The following TCFL5 variants were observed in gnomAD, a reference collection of about 807,000 sequenced individuals.
The protein encoded by TCFL5 is transcription factor-like 5 protein.
Under a neutral mutation model 44.3 loss-of-function variants are expected in TCFL5, and 9 were observed. That is an observed-to-expected ratio of 0.20 (90% CI 0.12 to 0.35). The LOEUF (loss-of-function observed/expected upper bound fraction) is 0.35, where lower values mean the gene tolerates loss of function less well. Among genes scored for constraint, TCFL5 ranks in the 10% least tolerant of loss-of-function variants. The pLI is 1.00. For synonymous variants in TCFL5, 319 were observed against 271.6 expected, an observed-to-expected ratio of 1.17 and a Z score of -1.72; for missense variants, 603 against 613.4, an observed-to-expected ratio of 0.98 and a Z score of 0.18.
chr20:62,859,726 T>TG (rs1339245608), intron 2 of TCFL5, among the ~76,000 whole-genome samples, 200 bp from the exon 3 acceptor site: 125 of 149,812 alleles, frequency 8.3e-4, no homozygotes, highest in African/African-American at 3.0e-3. Context: ...TTTGTTTTTT[T>TG]GTTTTTTTTT....
At chr20:62,844,885 G>A (rs1341558451) in intron 5 of TCFL5, 33 of 984,818 alleles carry the variant, frequency 3.4e-5, no homozygotes, top group Non-Finnish European at 4.0e-5. Flanking sequence ...CGGGAGCCAC[G>A]GTTCCCAGTC....
At chr20:62,845,736 C>G in intron 5 of TCFL5, 1 of 1,606,530 alleles carries the variant, frequency 6.2e-7, no homozygotes, top group Non-Finnish European at 8.5e-7. Context: ...ATATTTCTGT[C>G]CCTGCCCATG....
intron 4 of TCFL5, among the ~76,000 whole-genome samples, chr20:62,855,349 G>C (rs984381342): frequency 6.6e-6 from 1 of 152,176 alleles, no homozygotes; most frequent in African/African-American, 2.4e-5. Context: ...TTTCTTTAGA[G>C]ACGGGGACTT....
chr20:62,841,008 G>T lies in TCFL5; in HGVS notation c.*967C>A. On this transcript the variant is annotated 3_prime_UTR_variant, in exon 6 of 6. Coordinates refer to ENST00000335351, the MANE Select transcript of TCFL5 (RefSeq NM_006602.4). ...TAAAAGGTTGTGTACAACTCCACGA[G>T]GTGAAAAATATTCAGTAACTTGTTT... is the stretch of plus-strand genomic sequence containing the variant. 2.3e-6 allele frequency: 1 copy of T among 434,142 alleles called. No homozygotes were observed. Among genetic ancestry groups the T allele is most frequent in the Non-Finnish European group, 4.2e-6 (1 of 237,474 alleles). The allele number at this position is 434,142 out of a possible 1,614,324, so 26.9% of individuals were successfully genotyped here.
At position 62,861,291 on chromosome 20, in the gene TCFL5, T is replaced by G; in HGVS notation, c.380A>C (p.Gln127Pro). The change falls in exon 1 of 6, where the codon CAG becomes CCG. Residue 127 changes from glutamine to proline, a missense_variant. By Grantham distance (76) the Gln-to-Pro change is moderately conservative. Coordinates refer to ENST00000335351, the MANE Select transcript of TCFL5 (RefSeq NM_006602.4). The surrounding 1 kb of genome is among the most constrained non-coding windows in gnomAD (Gnocchi z 4.0). Reference protein sequence around the residue: ...DAPCLGHIDFQELRMMLLSEA... With the variant: ...DAPCLGHIDFPELRMMLLSEA... ...GCTTAGCAGCATCATGCGCAGCTCC[T>G]GGAAGTCGATGTGGCCCAGGCAGGG... The G allele has an allele frequency of 8.3e-7, 1 of 1,208,394 alleles. No individual in the cohort carries two copies. Among genetic ancestry groups the G allele is most frequent in the South Asian group, 1.8e-5 (1 of 57,100 alleles). 74.9% of individuals were successfully genotyped at this position (1,208,394 alleles called of 1,614,324 possible).
chr20:62,854,971 A>G (rs565228998), intron 4 of TCFL5, among the ~76,000 whole-genome samples: 104 of 152,348 alleles, frequency 6.8e-4, no homozygotes, highest in African/African-American at 2.5e-3. Flanking sequence ...AAGTCTACGC[A>G]GTAGAGCTAG....
chr20:62,846,766 G>GAAA (rs11448528), intron 5 of TCFL5, among the ~76,000 whole-genome samples: 248 of 129,072 alleles, frequency 1.9e-3, no homozygotes, highest in Non-Finnish European at 2.5e-3. Context: ...CCCTCGCTGG[G>GAAA]AAAAAAAAAA....
At chr20:62,852,072 T>C in intron 5 of TCFL5, 3 of 985,358 alleles carry the variant, frequency 3.0e-6, no homozygotes, top group Non-Finnish European at 3.6e-6. Context: ...TCCCAAGTGC[T>C]GGGATCACAG....
rs1298809453 is a variant in TCFL5 at position 62,859,488 on chromosome 20, C to T, written c.870G>A (p.Lys290=). The part of the protein sequence containing the change: ...SNSCSVLEAA[K]HQDIGLPRAF... ...CTCTAGGCAATCCAATATCCTGGTG[C>T]TTGGCAGCTTCAAGTACAGAACATG... Residue 290 remains lysine, a synonymous_variant, in exon 3 of 6, where the codon AAG becomes AAA. Transcript: ENST00000335351. 1.2e-6 allele frequency: 2 copies of T among 1,613,504 alleles called. No homozygotes were observed. The highest frequency in any genetic ancestry group is 2.2e-5 in the South Asian group (2 of 90,972).
intron 4 of TCFL5, 27 bp from the exon 5 acceptor site, chr20:62,854,184 C>T (rs1236819857): frequency 2.5e-6 from 4 of 1,611,266 alleles, no homozygotes; most frequent in Non-Finnish European, 3.4e-6. Flanking sequence ...AAGTCATCAC[C>T]GAGAGAGACC....
rs950352613 is a variant in TCFL5, at chr20:62,861,102, C to T, written c.569G>A (p.Arg190His). ...CGGCTCGGCGGGGATGCTGTTGAAG[C>T]GGTCCTCCAGGCGGACGCGCACGGC... ...KPAVRVRLED[R>H]FNSIPAEPPP... The change falls in exon 1 of 6, where the codon CGC becomes CAC. Residue 190 changes from arginine (R) to histidine (H), a missense_variant. Transcript: ENST00000335351. This position sits in a 1 kb window ranked among gnomAD's most constrained non-coding sequence, Gnocchi z 4.0. 3.0e-6 allele frequency: 3 copies of T among 997,914 alleles called. No homozygotes were observed. Among genetic ancestry groups the T allele is most frequent in the Non-Finnish European group, 3.6e-6 (3 of 840,176 alleles). The allele number at this position is 997,914 out of a possible 1,614,324, so 61.8% of individuals were successfully genotyped here. A position where few individuals can be genotyped will look rare whatever the true frequency, so the allele number is the denominator to read the frequency against.
intron 5 of TCFL5, chr20:62,845,955 C>G: frequency 6.9e-7 from 1 of 1,459,686 alleles, no homozygotes; most frequent in Non-Finnish European, 9.2e-7. Flanking sequence ...TGGAAATGAG[C>G]CCAGATAGAA....
At chr20:62,844,983 A>G (rs1409940176) in intron 5 of TCFL5, 1 of 985,258 alleles carries the variant, frequency 1.0e-6, no homozygotes. Flanking sequence ...CATGGATTTA[A>G]CTTCTGAACC....
chr20:62,841,901 C>A lies in TCFL5; in HGVS notation c.*74G>T. On this transcript the variant is annotated 3_prime_UTR_variant, in exon 6 of 6. Coordinates refer to ENST00000335351, the MANE Select transcript of TCFL5 (RefSeq NM_006602.4). ...CGAGTCAGACTAGCCGAGCAGAGCT[C>A]CAGGGTTGCAGAAGGCGTGCACAGG... 1 of 1,579,212 alleles carries A rather than the reference C, an allele frequency of 6.3e-7. No homozygotes were observed. The highest frequency in any genetic ancestry group is 8.6e-7 in the Non-Finnish European group (1 of 1,162,772).
In TCFL5 at chr20:62,857,367, C is replaced by T. The variant is rs768765544; in HGVS notation, c.1238+28G>A. 12 of 1,611,156 alleles carry T rather than the reference C, an allele frequency of 7.4e-6. No individual in the cohort carries two copies. The South Asian group carries it at 1.3e-4, about 18-fold the overall frequency. ...ATGACTAAGGTAATCATATATGAGT[C>T]AGCCTGACAAGCAGTCACACGTATT... On this transcript the variant is annotated intron_variant, in intron 4 of 5. Coordinates refer to ENST00000335351, the MANE Select transcript of TCFL5 (RefSeq NM_006602.4).
intron 5 of TCFL5, among the ~76,000 whole-genome samples, chr20:62,844,215 C>A (rs1282869545): frequency 2.0e-5 from 3 of 152,242 alleles, no homozygotes; most frequent in Admixed American, 6.5e-5. Flanking sequence ...GATGTCTCCA[C>A]ATCCTTGCCA....
intron 4 of TCFL5, among the ~76,000 whole-genome samples, chr20:62,855,322 T>C (rs1256479102): frequency 6.6e-6 from 1 of 152,092 alleles, no homozygotes; most frequent in Non-Finnish European, 1.5e-5. Context: ...ACACCACCAC[T>C]ACTAGTATTG....
At chr20:62,849,331 G>GT (rs1375503955) in intron 5 of TCFL5, among the ~76,000 whole-genome samples, 3 of 152,134 alleles carry the variant, frequency 2.0e-5, no homozygotes, top group African/African-American at 7.2e-5. Context: ...CAATTTTTCT[G>GT]TAAGTTTGAA....
chr20:62,845,561 A>G (rs1404815574), intron 5 of TCFL5: 4 of 1,490,320 alleles, frequency 2.7e-6, no homozygotes, highest in African/African-American at 2.8e-5. Context: ...CTTTCAGGAC[A>G]ATTAAATGAA....
Sources: gnomAD v4.1 joint callset for allele counts (sites outside exome capture counted in the v4.1 genomes callset) on GRCh38, gnomAD v4.1.1 for gene constraint, Gnocchi (gnomAD v3.1) non-coding constraint, MANE v1.5 for transcripts, NCBI Gene and HGNC (gene_info 2026-07-23, HGNC 2026-07-21) for gene names.